Variants in REPS1 observed in about 807,000 individuals in gnomAD.
REPS1 encodes RALBP1 associated Eps domain containing 1, also known as ralBP1-associated Eps domain-containing protein 1.
A neutral mutation model predicts 100.9 loss-of-function variants in REPS1; 39 were observed. That is an observed-to-expected ratio of 0.39 (90% CI 0.30 to 0.50). The LOEUF (loss-of-function observed/expected upper bound fraction) is 0.50. Among genes scored for constraint, REPS1 ranks in the 20% least tolerant of loss-of-function variants. The pLI, the probability that REPS1 is intolerant of heterozygous loss-of-function variation, is 0.86. For synonymous variants in REPS1, 324 were observed against 340.3 expected (o/e 0.95, Z 0.53); for missense variants, 821 against 968.5 (o/e 0.85, Z 2.02).
At chr6:138,916,463 C>T (rs185071405) in intron 13 of REPS1, among the ~76,000 whole-genome samples, 11 of 151,922 alleles carry the variant, frequency 7.2e-5, no homozygotes, top group East Asian at 1.9e-4. Context: ...TCAGGTGATC[C>T]GCCCACCTTA....
chr6:138,982,838 T>C (rs980686838), intron 1 of REPS1, among the ~76,000 whole-genome samples: 6 of 152,180 alleles, frequency 3.9e-5, no homozygotes, highest in Admixed American at 3.9e-4. Context: ...CATCTGACAG[T>C]GGTAATAAAG....
At chr6:138,965,512 T>C (rs1452459692) in intron 1 of REPS1, among the ~76,000 whole-genome samples, 2 of 152,200 alleles carry the variant, frequency 1.3e-5, no homozygotes, top group African/African-American at 2.4e-5. Context: ...GGTATGGAGA[T>C]AGTCCAATAA....
intron 9 of REPS1, chr6:138,929,735 G>C (rs113888391): frequency 6.3e-6 from 2 of 318,560 alleles, no homozygotes; most frequent in Non-Finnish European, 1.2e-5. Context: ...TAAACTTTCT[G>C]AATCTGCCTC....
At chr6:138,920,687 C>T (rs1780699312) in intron 11 of REPS1, among the ~76,000 whole-genome samples, 1 of 152,092 alleles carries the variant, frequency 6.6e-6, no homozygotes, top group African/African-American at 2.4e-5. Flanking sequence ...ATGAGACATT[C>T]CAAGAGTTCA....
In REPS1 at chr6:138,943,502, A is replaced by T; in HGVS notation, c.980+11T>A. 6.5e-7 allele frequency: 1 copy of T among 1,544,810 alleles called. No homozygotes were observed. The highest frequency in any genetic ancestry group is 8.9e-7 in the Non-Finnish European group (1 of 1,119,692). On this transcript the variant is annotated intron_variant, in intron 7 of 19. Transcript: ENST00000450536. ...AACCCAGTTACCCAACTAATGATAT[A>T]CCACACTTACCAAATATGAGAAAGT...
rs10648982 is a variant in REPS1, at chr6:138,947,035, G to GCTCGCTCTCT, written c.277+754_277+755insAGAGAGCGAG. Among the ~76,000 whole-genome samples the GCTCGCTCTCT allele has an allele frequency of 5.1e-5, 7 of 137,718 alleles. No individual in the cohort carries two copies. The East Asian group carries it at 1.5e-3, about 30-fold the overall frequency. 90.3% of individuals were successfully genotyped at this position (137,718 alleles called of 152,430 possible). ...TAAATGTCTGTGGCTATTCCCCCTT[G>GCTCGCTCTCT]CTCTCTCTCTCTCTCTCTCTCTCTC... On this transcript the variant is annotated intron_variant, in intron 2 of 19. Transcript: ENST00000450536.
intron 1 of REPS1, among the ~76,000 whole-genome samples, chr6:138,952,331 G>T (rs777282852): frequency 6.6e-6 from 1 of 151,742 alleles, no homozygotes; most frequent in Non-Finnish European, 1.5e-5. Context: ...AAAACTCTCA[G>T]ATCTGATAAA....
chr6:138,944,848 A>G (rs1782508433), intron 4 of REPS1, among the ~76,000 whole-genome samples: 1 of 152,208 alleles, frequency 6.6e-6, no homozygotes, highest in Non-Finnish European at 1.5e-5. Context: ...ATAATTATTC[A>G]TTTTACCTTT....
At chr6:138,975,097 A>T (rs1784525746) in intron 1 of REPS1, among the ~76,000 whole-genome samples, 1 of 151,988 alleles carries the variant, frequency 6.6e-6, no homozygotes. Flanking sequence ...CCTAGCTACT[A>T]CTCTCAAGCT....
intron 9 of REPS1, chr6:138,928,271 A>G (rs1011846440): frequency 9.9e-5 from 15 of 152,192 alleles, no homozygotes; most frequent in African/African-American, 3.6e-4. Flanking sequence ...CAGAACTGAC[A>G]TATCAAAAGT....
chr6:138,919,367 G>A (rs982166114), intron 12 of REPS1, among the ~76,000 whole-genome samples: 2 of 152,004 alleles, frequency 1.3e-5, no homozygotes, highest in African/African-American at 4.8e-5. Flanking sequence ...GTTTTGTCTC[G>A]CCTTCTTTTG....
chr6:138,987,875 G>T lies in REPS1; in HGVS notation c.-193C>A, dbSNP rs1031824115. On this transcript the variant is annotated 5_prime_UTR_variant, in exon 1 of 20. Coordinates refer to ENST00000450536, the MANE Select transcript of REPS1 (RefSeq NM_001286611.2). ...GGTCGCGAGGAGGGGGCCCGGCTGC[G>T]CTCGCCGCGCCGCTGCCTGCGAGGC... 6 of 514,062 alleles carry T rather than the reference G, an allele frequency of 1.2e-5. No individual in the cohort carries two copies. The highest frequency in any genetic ancestry group is 9.9e-5 in the African/African-American group (5 of 50,294). The allele number at this position is 514,062 out of a possible 1,614,324, so 31.8% of individuals were successfully genotyped here.
intron 8 of REPS1, among the ~76,000 whole-genome samples, chr6:138,938,392 A>G (rs1359884905): frequency 6.6e-6 from 1 of 152,218 alleles, no homozygotes; most frequent in Non-Finnish European, 1.5e-5. Context: ...AACTTTAAGT[A>G]TAGAATATTT....
intron 8 of REPS1, among the ~76,000 whole-genome samples, chr6:138,935,157 G>A (rs557174488): frequency 4.6e-5 from 7 of 152,152 alleles, no homozygotes; most frequent in South Asian, 4.1e-4. Flanking sequence ...AAACTTATTC[G>A]GTAAGACTAC....
chr6:138,914,757 T>C lies in REPS1; in HGVS notation c.1725A>G (p.Gln575=). 1 of 1,609,328 alleles carries C rather than the reference T, an allele frequency of 6.2e-7. No homozygotes were observed. Among genetic ancestry groups the C allele is most frequent in the Non-Finnish European group, 8.5e-7 (1 of 1,178,838 alleles). Residue 575 remains glutamine (Q), a synonymous_variant, in exon 15 of 20, where the codon CAA becomes CAG. Transcript: ENST00000450536. ...GATGGGCAACAACTCCAGCCTGTTG[T>C]TGTCCTGCATGAATACAAAAGTTCT... ...MNRTFTVTTG[Q]QQAGVVAHPP... is the part of the protein sequence containing the mutation.
chr6:138,982,119 C>A (rs973422357), intron 1 of REPS1, among the ~76,000 whole-genome samples: 1 of 152,126 alleles, frequency 6.6e-6, no homozygotes, highest in African/African-American at 2.4e-5. Flanking sequence ...GAACTAAAAA[C>A]CACTACTCCA....
chr6:138,954,317 T>C (rs553068058), intron 1 of REPS1, among the ~76,000 whole-genome samples: 8 of 152,240 alleles, frequency 5.3e-5, no homozygotes, highest in African/African-American at 1.9e-4. Context: ...GGAAGGATAC[T>C]GAATGCTCCT....
At chr6:138,907,917 T>C (rs891845534) in intron 18 of REPS1, among the ~76,000 whole-genome samples, 5 of 152,186 alleles carry the variant, frequency 3.3e-5, no homozygotes, top group African/African-American at 9.6e-5. Flanking sequence ...TCAGGCTTTG[T>C]GGGCCAAAGA....
At position 138,911,350 on chromosome 6, in the gene REPS1, C is replaced by G. The variant is rs758462837; in HGVS notation, c.1993G>C (p.Ala665Pro). 3 of 1,612,908 alleles carry G rather than the reference C, an allele frequency of 1.9e-6. No homozygotes were observed. The African/African-American group carries it at 4.0e-5, about 22-fold the overall frequency. The change falls in exon 17 of 20, where the codon GCA becomes CCA. Residue 665 changes from alanine to proline, a missense_variant. By Grantham distance (27) the Ala-to-Pro change is conservative. This residue lies in a region of REPS1 where 757 missense variants were observed against 866.4 expected (regional missense o/e 0.87). Coordinates refer to ENST00000450536, the MANE Select transcript of REPS1 (RefSeq NM_001286611.2). Reference sequence around the variant, plus strand: ...GTTTTGGCAACTCGAAGAGAACTTGCAGGATCAGAAGCTTTTTCAGCCTAA... The same window carrying G: ...GTTTTGGCAACTCGAAGAGAACTTGGAGGATCAGAAGCTTTTTCAGCCTAA... Reference protein sequence around the residue: ...VLPAEKASDPASSLRVAKTDS... With the variant: ...VLPAEKASDPPSSLRVAKTDS...
Sources: gnomAD v4.1 joint callset for allele counts (sites outside exome capture counted in the v4.1 genomes callset) on GRCh38, gnomAD v4.1.1 for gene constraint, gnomAD v4.1.1 regional missense constraint, MANE v1.5 for transcripts, NCBI Gene and HGNC (gene_info 2026-07-23, HGNC 2026-07-21) for gene names.